The following NT5C2 variants were observed in gnomAD, a reference collection of about 807,000 sequenced individuals.
NT5C2 encodes the protein 5'-nucleotidase, cytosolic II.
In NT5C2, 58 loss-of-function variants were observed where a neutral mutation model predicts 76.1. The ratio of observed to expected loss-of-function variants is 0.76; its 90% CI spans 0.62 to 0.95. The LOEUF (loss-of-function observed/expected upper bound fraction) is 0.95. NT5C2 is among the 40% of genes least tolerant of loss of function. The pLI is 0.00. For missense variants in NT5C2, 478 were observed against 690.3 expected (o/e 0.69, Z 3.45); for synonymous variants, 229 against 237.4 (o/e 0.96, Z 0.32).
intron 10 of NT5C2, chr10:103,097,854 C>T: frequency 2.8e-6 from 1 of 361,482 alleles, no homozygotes; most frequent in Non-Finnish European, 5.3e-6. Context: ...GAAATACCCA[C>T]ACCCACGTGC....
chr10:103,129,289 G>T, intron 4 of NT5C2, among the ~76,000 whole-genome samples: 1 of 118,636 alleles, frequency 8.4e-6, no homozygotes. Flanking sequence ...GCCCCGTCCG[G>T]GAGGGAGGTG....
intron 2 of NT5C2, among the ~76,000 whole-genome samples, chr10:103,178,396 T>C (rs2090419959): frequency 6.6e-6 from 1 of 151,664 alleles, no homozygotes; most frequent in Admixed American, 6.6e-5. Context: ...TATACAAAAA[T>C]TAGTTGGGCA....
At chr10:103,159,301 C>G (rs1158969749) in intron 3 of NT5C2, among the ~76,000 whole-genome samples, 2 of 140,544 alleles carry the variant, frequency 1.4e-5, no homozygotes, top group Non-Finnish European at 3.1e-5. Context: ...ACAATTAGAG[C>G]TAATAAACAA....
At chr10:103,133,826 G>A (rs2078692210) in intron 4 of NT5C2, among the ~76,000 whole-genome samples, 1 of 152,184 alleles carries the variant, frequency 6.6e-6, no homozygotes, top group Non-Finnish European at 1.5e-5. Context: ...TAGTGACATG[G>A]GCAACAAATT....
intron 4 of NT5C2, among the ~76,000 whole-genome samples, chr10:103,113,387 A>G (rs1267092622): frequency 6.6e-6 from 1 of 152,218 alleles, no homozygotes; most frequent in East Asian, 1.9e-4. Context: ...TTGTATTTTC[A>G]GTACTGTTTT....
intron 4 of NT5C2, chr10:103,125,254 G>A (rs960298033): frequency 4.1e-6 from 3 of 737,398 alleles, no homozygotes; most frequent in Non-Finnish European, 6.9e-6. Flanking sequence ...GATCATCAAT[G>A]ATTTCAAATT....
At chr10:103,108,999 C>T (rs538012586) in intron 4 of NT5C2, among the ~76,000 whole-genome samples, 152 of 152,192 alleles carry the variant, frequency 1.0e-3, no homozygotes, top group South Asian at 8.9e-3. Flanking sequence ...GCTGGGATTA[C>T]AGGTGCCCGC....
chr10:103,092,387 G>A (rs1443800669), intron 15 of NT5C2, among the ~76,000 whole-genome samples: 4 of 152,152 alleles, frequency 2.6e-5, no homozygotes, highest in African/African-American at 9.7e-5. Context: ...TATTACCTCC[G>A]TTTTTCATCA....
intron 3 of NT5C2, among the ~76,000 whole-genome samples, chr10:103,155,531 T>C (rs2083195900): frequency 6.6e-6 from 1 of 151,552 alleles, no homozygotes; most frequent in African/African-American, 2.4e-5. Flanking sequence ...AAAGAAGAGG[T>C]CTCCAACAGA....
intron 4 of NT5C2, among the ~76,000 whole-genome samples, chr10:103,117,877 A>G (rs1222343592): frequency 6.6e-6 from 1 of 152,178 alleles, no homozygotes; most frequent in Non-Finnish European, 1.5e-5. Context: ...CAACTAATGA[A>G]TAAATGGGGA....
At chr10:103,142,073 T>C (rs951861174) in intron 3 of NT5C2, among the ~76,000 whole-genome samples, 1 of 152,168 alleles carries the variant, frequency 6.6e-6, no homozygotes, top group African/African-American at 2.4e-5. Context: ...AAAGCATTTA[T>C]TGTGGCTGGA....
At chr10:103,179,974 T>C (rs2090770080) in intron 2 of NT5C2, among the ~76,000 whole-genome samples, 2 of 152,166 alleles carry the variant, frequency 1.3e-5, no homozygotes, top group African/African-American at 4.8e-5. Flanking sequence ...AGACAAGCTA[T>C]GGTTTGGGAC....
chr10:103,114,242 G>A (rs1460794683), intron 4 of NT5C2, among the ~76,000 whole-genome samples: 3 of 151,990 alleles, frequency 2.0e-5, no homozygotes, highest in Non-Finnish European at 2.9e-5. Flanking sequence ...GTGAAACCCT[G>A]TCTCTACTAA....
intron 3 of NT5C2, among the ~76,000 whole-genome samples, chr10:103,148,100 T>A (rs1485626391): frequency 6.6e-5 from 10 of 152,230 alleles, no homozygotes; most frequent in Admixed American, 3.9e-4. Flanking sequence ...AAGAACTTTA[T>A]GAAATGGATT....
At chr10:103,159,854 G>C (rs2084375420) in intron 3 of NT5C2, among the ~76,000 whole-genome samples, 1 of 152,038 alleles carries the variant, frequency 6.6e-6, no homozygotes. Context: ...TATAGAGAGA[G>C]TCAATGTAAT....
intron 4 of NT5C2, among the ~76,000 whole-genome samples, chr10:103,120,935 T>C (rs1430494080): frequency 6.6e-6 from 1 of 152,210 alleles, no homozygotes; most frequent in Non-Finnish European, 1.5e-5. Flanking sequence ...CAAATGTATA[T>C]ACCTACAGTA....
Position 103,167,140 on chromosome 10 carries a change from C to T in NT5C2, c.101+7718G>A, listed in dbSNP as rs553934873. Reference sequence around the variant, plus strand: ...AAGCGATTCTCCTGCCTCAGCCTCCCGAGTAGCTGGGATTACAGGCACCCG... The same window carrying T: ...AAGCGATTCTCCTGCCTCAGCCTCCTGAGTAGCTGGGATTACAGGCACCCG... On this transcript the variant is annotated intron_variant, in intron 3 of 18. Transcript: ENST00000404739. Among the ~76,000 whole-genome samples, 182 of 151,994 alleles carry T rather than the reference C, an allele frequency of 1.2e-3. 1 individual carries two copies. The South Asian group carries it at 0.014, about 11-fold the overall frequency.
chr10:103,191,202 A>T (rs1242088467), intron 1 of NT5C2, among the ~76,000 whole-genome samples: 1 of 152,132 alleles, frequency 6.6e-6, no homozygotes, highest in East Asian at 1.9e-4. Context: ...GACCAGCCTG[A>T]CCAACTTGGA....
chr10:103,097,358 A>G lies in NT5C2; in HGVS notation c.704T>C (p.Leu235Pro), dbSNP rs1288561387. ...YVVKDGKLPL[L>P]LSRMKEVGKV... is the part of the protein sequence containing the mutation. The stretch of plus-strand genomic sequence containing the variant: ...CCCTACTTCCTTCATCCGGCTCAGA[A>G]GCAAAGGCAGTTTTCCCTGAAATGT... The change falls in exon 11 of 19, where the codon CTT becomes CCT. Residue 235 changes from leucine to proline, a missense_variant. Leu to Pro is a moderately conservative substitution (Grantham distance 98). Coordinates refer to ENST00000404739, the MANE Select transcript of NT5C2 (RefSeq NM_001351169.2). 1 of 1,613,602 alleles carries G rather than the reference A, an allele frequency of 6.2e-7. No individual in the cohort carries two copies. The highest frequency in any genetic ancestry group is 8.5e-7 in the Non-Finnish European group (1 of 1,179,748).
Sources: gnomAD v4.1 joint callset for allele counts (sites outside exome capture counted in the v4.1 genomes callset) on GRCh38, gnomAD v4.1.1 for gene constraint, MANE v1.5 for transcripts, NCBI Gene and HGNC (gene_info 2026-07-23, HGNC 2026-07-21) for gene names.